TTLL8: variants seen among roughly 807,000 people sequenced by gnomAD.
The protein encoded by TTLL8 is protein monoglycylase TTLL8.
Under a neutral mutation model 77.8 loss-of-function variants are expected in TTLL8, and 65 were observed. The observed-to-expected ratio is 0.84, with a 90% confidence interval of 0.68 to 1.03. TTLL8 has a LOEUF of 1.03. TTLL8 is among the 50% of genes least tolerant of loss of function. The pLI is 0.00. For synonymous variants in TTLL8, 402 were observed against 422.8 expected (o/e 0.95, Z 0.60); for missense variants, 910 against 1,004.5 (o/e 0.91, Z 1.27).
In TTLL8 at chr22:50,041,343, G is replaced by A. The variant is rs1425621326; in HGVS notation, c.831-66C>T. 1 of 554,088 alleles carries A rather than the reference G, an allele frequency of 1.8e-6. No individual in the cohort carries two copies. Among genetic ancestry groups the A allele is most frequent in the Non-Finnish European group, 3.3e-6 (1 of 303,544 alleles). The allele number at this position is 554,088 out of a possible 1,614,324, so 34.3% of individuals were successfully genotyped here. On this transcript the variant is annotated intron_variant, in intron 7 of 13. Transcript: ENST00000266182. The surrounding 1 kb of genome is among the most constrained non-coding windows in gnomAD (Gnocchi z 4.3). ...GTGGGACAGGCAACAGAGGGCCTGG[G>A]CACCCCGACACCCATAAGGCACCCC... is the stretch of plus-strand genomic sequence containing the variant.
intron 12 of TTLL8, among the ~76,000 whole-genome samples, chr22:50,025,465 C>A (rs960105565): frequency 3.9e-5 from 6 of 152,158 alleles, no homozygotes; most frequent in African/African-American, 4.8e-5. Context: ...CATGGTGAAA[C>A]CCCGTCTCTA....
Position 50,041,205 on chromosome 22 carries a change from G to C in TTLL8, c.903C>G (p.Pro301=). The C allele has an allele frequency of 2.2e-6, 1 of 461,696 alleles. No homozygotes were observed. Among genetic ancestry groups the C allele is most frequent in the Non-Finnish European group, 4.3e-6 (1 of 233,990 alleles). 28.6% of individuals were successfully genotyped at this position (461,696 alleles called of 1,614,324 possible). A position where few individuals can be genotyped will look rare whatever the true frequency, so the allele number is the denominator to read the frequency against. ...ACCCCACCTGCCTGTCTCGGGCTGTGGGGGGCTCAAATGACATCATAACCT... is the reference window on the plus strand; with the variant it reads ...ACCCCACCTGCCTGTCTCGGGCTGTCGGGGGCTCAAATGACATCATAACCT... The change falls in exon 8 of 14, where the codon CCC becomes CCG. Residue 301 remains proline (P), a synonymous_variant. Coordinates refer to ENST00000266182, the Ensembl canonical transcript of TTLL8. This position sits in a 1 kb window ranked among gnomAD's most constrained non-coding sequence, Gnocchi z 4.3.
At chr22:50,055,527 T>C (rs1205959019), upstream of TTLL8, among the ~76,000 whole-genome samples, 2 of 151,790 alleles carry the variant, frequency 1.3e-5, no homozygotes, top group Non-Finnish European at 2.9e-5. Flanking sequence ...TGGTAGCTCA[T>C]GCCTGTAATC....
chr22:50,058,139 G>C (rs1052343819), upstream of TTLL8, among the ~76,000 whole-genome samples: 37 of 152,036 alleles, frequency 2.4e-4, no homozygotes, highest in African/African-American at 6.3e-4. This position sits in a 1 kb window ranked among gnomAD's most constrained non-coding sequence, Gnocchi z 4.2. Flanking sequence ...TTCCGCGGTC[G>C]GGGGTCGTGC....
upstream of TTLL8, chr22:50,056,882 C>T (rs768340059): frequency 7.8e-7 from 1 of 1,289,716 alleles, no homozygotes; most frequent in South Asian, 1.2e-5. The surrounding 1 kb of genome is among the most constrained non-coding windows in gnomAD (Gnocchi z 4.1). Flanking sequence ...TTTCTTCTCT[C>T]CCGTCTCCAT....
At chr22:50,020,728 A>ACTC (rs2061191169) in intron 12 of TTLL8, among the ~76,000 whole-genome samples, 1 of 127,422 alleles carries the variant, frequency 7.8e-6, no homozygotes. Context: ...GACGATGTGC[A>ACTC]CTCCATCTGA....
intron 12 of TTLL8, among the ~76,000 whole-genome samples, chr22:50,018,719 C>T (rs1475776826): frequency 2.6e-5 from 4 of 152,220 alleles, no homozygotes; most frequent in Non-Finnish European, 4.4e-5. Flanking sequence ...GGTGGAAAGA[C>T]GTATTCAATG....
At chr22:50,031,887 C>A (rs759981119) in exon 11 of TTLL8, 3 of 1,367,254 alleles carry the variant, frequency 2.2e-6, no homozygotes, top group South Asian at 1.1e-5. Flanking sequence ...CAAAGCTGTT[C>A]TTGCGAGGCT....
rs757542970 is a variant in TTLL8, at chr22:50,033,277, G to A, written c.1208C>T (p.Pro403Leu). The change falls in exon 10 of 14, where the codon CCC (proline) becomes CTC (leucine). Residue 403 changes from proline (P) to leucine (L), a missense_variant. Around this residue, in one of 2 missense-constraint regions of TTLL8, gnomAD observed 776 missense variants for 926.1 expected, o/e 0.84. Transcript: ENST00000266182. ...CTCCTTGTAGAACCAGATGGTCAGG[G>A]GGTTCCAGTCCGTGACGAGGAACCA... 1.0e-5 allele frequency: 14 copies of A among 1,362,308 alleles called. No homozygotes were observed. The African/African-American group carries it at 2.1e-4, about 20-fold the overall frequency. The allele number at this position is 1,362,308 out of a possible 1,614,324, so 84.4% of individuals were successfully genotyped here.
chr22:50,030,617 A>C (rs2146644492), exon 12 of TTLL8: 1 of 1,294,214 alleles, frequency 7.7e-7, no homozygotes, highest in Non-Finnish European at 1.0e-6. Flanking sequence ...CCACCTTCCC[A>C]GCAGCTTTGG....
intron 3 of TTLL8, among the ~76,000 whole-genome samples, chr22:50,047,957 C>A (rs371117223): frequency 3.3e-5 from 5 of 151,992 alleles, no homozygotes; most frequent in Admixed American, 2.0e-4. Flanking sequence ...ATTAGCCGGG[C>A]GTGGTGGCGG....
At chr22:50,049,359 C>T (rs2061431144) in intron 2 of TTLL8, 37 bp from the exon 5 acceptor site, 4 of 1,366,526 alleles carry the variant, frequency 2.9e-6, no homozygotes, top group Non-Finnish European at 3.9e-6. Context: ...GAACATGAAG[C>T]CTCAGCCAGA....
chr22:50,028,432 T>G (rs1189093109), intron 12 of TTLL8, among the ~76,000 whole-genome samples: 1 of 152,194 alleles, frequency 6.6e-6, no homozygotes, highest in Non-Finnish European at 1.5e-5. Context: ...CACCTGGGAA[T>G]GTGCCCTGCG....
chr22:50,038,483 G>A (rs1029989550), intron 8 of TTLL8, among the ~76,000 whole-genome samples: 22 of 152,012 alleles, frequency 1.4e-4, no homozygotes, highest in Middle Eastern at 3.2e-3. Context: ...TAACCACTAC[G>A]AAATATGTTA....
intron 5 of TTLL8, 55 bp downstream of exon 7, chr22:50,045,801 T>G: frequency 2.3e-6 from 3 of 1,289,284 alleles, no homozygotes; most frequent in Non-Finnish European, 3.0e-6. Context: ...AGGGGGATCT[T>G]TCTAGAAGCC....
chr22:50,035,385 G>A (rs2061329135), intron 8 of TTLL8, among the ~76,000 whole-genome samples: 1 of 152,174 alleles, frequency 6.6e-6, no homozygotes, highest in African/African-American at 2.4e-5. Flanking sequence ...GGAGAAGTGA[G>A]GCTGGGGTGT....
intron 12 of TTLL8, chr22:50,027,857 C>T (rs1475939816): frequency 1.8e-5 from 17 of 969,502 alleles, no homozygotes; most frequent in South Asian, 4.8e-5. Flanking sequence ...TCCTCCCGGC[C>T]GTGCCCTCGA....
chr22:50,029,527 T>G (rs1250625365), intron 12 of TTLL8, among the ~76,000 whole-genome samples: 2 of 146,506 alleles, frequency 1.4e-5, no homozygotes, highest in African/African-American at 5.1e-5. Flanking sequence ...GATCACGAGG[T>G]CAGGAGGTGG....
chr22:50,052,007 A>C (rs541249059), intron 1 of TTLL8, among the ~76,000 whole-genome samples: 1 of 152,244 alleles, frequency 6.6e-6, no homozygotes, highest in African/African-American at 2.4e-5. Context: ...GGGAACCCTG[A>C]GTCTGAGTCC....
Sources: allele counts gnomAD v4.1 joint callset (sites outside exome capture counted in the v4.1 genomes callset), GRCh38; gene constraint gnomAD v4.1.1; regional missense constraint gnomAD v4.1.1; non-coding constraint Gnocchi (gnomAD v3.1); transcripts MANE v1.5; gene names NCBI Gene and HGNC (gene_info 2026-07-23, HGNC 2026-07-21).